CYTH3: variants seen among roughly 807,000 people sequenced by gnomAD.
The protein encoded by CYTH3 is cytohesin-3.
Under a neutral mutation model 55.1 loss-of-function variants are expected in CYTH3, and 23 were observed. The ratio of observed to expected loss-of-function variants is 0.42; its 90% CI spans 0.30 to 0.59. The LOEUF (loss-of-function observed/expected upper bound fraction) is 0.59, where lower values mean the gene tolerates loss of function less well. CYTH3 is among the 20% of genes least tolerant of loss of function. The pLI is 0.20. For missense variants in CYTH3, 413 were observed against 524.8 expected, an observed-to-expected ratio of 0.79 and a Z score of 2.08; for synonymous variants, 249 against 194.9, an observed-to-expected ratio of 1.28 and a Z score of -2.31.
At chr7:6,196,468 T>C (rs947062657) in intron 1 of CYTH3, among the ~76,000 whole-genome samples, 7 of 149,634 alleles carry the variant, frequency 4.7e-5, no homozygotes, top group Non-Finnish European at 1.0e-4. Context: ...TTTTTTTTTT[T>C]TTTTTTTTGA....
chr7:6,191,520 G>A (rs1235087007), intron 1 of CYTH3, among the ~76,000 whole-genome samples: 2 of 151,852 alleles, frequency 1.3e-5, no homozygotes, highest in African/African-American at 4.8e-5. Context: ...TAAATGTGAA[G>A]GGGAAACGCT....
intron 1 of CYTH3, among the ~76,000 whole-genome samples, chr7:6,271,911 C>CCG (rs1449788883): frequency 7.2e-5 from 11 of 152,170 alleles, no homozygotes; most frequent in African/African-American, 2.4e-4. Context: ...GGCCCCCTCC[C>CCG]CGTTCGAGCA....
chr7:6,251,400 T>C lies in CYTH3; in HGVS notation c.34+21074A>G, dbSNP rs1428968552. 3.3e-5 allele frequency among the ~76,000 whole-genome samples: 5 copies of C among 152,012 alleles called. No individual in the cohort carries two copies. The East Asian group carries it at 5.8e-4, about 18-fold the overall frequency. Reference sequence around the variant, plus strand: ...GGAGGGGAGACATGTAGGAAGTTTCTTGAAGGGCTACAAAAGCGTTTCTTT... The same window carrying C: ...GGAGGGGAGACATGTAGGAAGTTTCCTGAAGGGCTACAAAAGCGTTTCTTT... On this transcript the variant is annotated intron_variant, in intron 1 of 12. Transcript: ENST00000350796.
intron 1 of CYTH3, among the ~76,000 whole-genome samples, chr7:6,261,796 A>C (rs1051856640): frequency 1.1e-4 from 17 of 151,930 alleles, no homozygotes; most frequent in African/African-American, 3.9e-4. Flanking sequence ...AATTATCTCT[A>C]TAATTTTTCA....
chr7:6,225,560 T>C (rs1779226616), intron 1 of CYTH3, among the ~76,000 whole-genome samples: 1 of 152,122 alleles, frequency 6.6e-6, no homozygotes, highest in Non-Finnish European at 1.5e-5. Context: ...TTCTCCATGT[T>C]GGTCAGGCTG....
At chr7:6,229,041 C>A (rs1025619544) in intron 1 of CYTH3, among the ~76,000 whole-genome samples, 1 of 152,162 alleles carries the variant, frequency 6.6e-6, no homozygotes, top group Non-Finnish European at 1.5e-5. Flanking sequence ...ACCACACCCC[C>A]TCTGAGCAGA....
intron 1 of CYTH3, among the ~76,000 whole-genome samples, chr7:6,261,688 T>TC (rs1780357659): frequency 2.0e-5 from 1 of 51,034 alleles, no homozygotes; most frequent in African/African-American, 8.6e-5. Context: ...AGACCCTGTC[T>TC]CAAAAAAAAA....
rs1269852492 is a variant in CYTH3 at position 6,164,997 on chromosome 7, G to T, written c.1147C>A (p.Pro383Thr). The change falls in exon 13 of 13, where the codon CCC becomes ACC. Residue 383 changes from proline to threonine, a missense_variant. Around this residue, in one of 4 missense-constraint regions of CYTH3, gnomAD observed 98 missense variants for 115.2 expected, o/e 0.85. Coordinates refer to ENST00000350796, the MANE Select transcript of CYTH3 (RefSeq NM_004227.4). ...KSIKASISRDPFYDMLATRKR... is the reference protein window; with the variant it reads ...KSIKASISRDTFYDMLATRKR... ...CTCGTTGCCAACATGTCATAGAAGG[G>T]ATCTCTGCTGATACTGGCTCTGGTG... The T allele has an allele frequency of 6.2e-7, 1 of 1,614,188 alleles. No individual in the cohort carries two copies. The highest frequency in any genetic ancestry group is 1.7e-5 in the Admixed American group (1 of 60,018).
rs1780007156 is a variant in CYTH3 at position 6,252,743 on chromosome 7, T to C, written c.34+19731A>G. Among the ~76,000 whole-genome samples the C allele has an allele frequency of 2.0e-5, 3 of 152,310 alleles. No individual in the cohort carries two copies. In the South Asian group the frequency reaches 6.2e-4, roughly 32 times the overall value. Reference sequence around the variant, plus strand: ...AGATGCATTCCTGAGAGATTTAAGGTTTAGTCTTCATCCAAGGATCTGACA... The same window carrying C: ...AGATGCATTCCTGAGAGATTTAAGGCTTAGTCTTCATCCAAGGATCTGACA... On this transcript the variant is annotated intron_variant, in intron 1 of 12. Transcript: ENST00000350796.
Position 6,171,221 on chromosome 7 carries a change from G to C in CYTH3, c.543C>G (p.Pro181=). 6.2e-7 allele frequency: 1 copy of C among 1,614,150 alleles called. No homozygotes were observed. The highest frequency in any genetic ancestry group is 1.7e-5 in the Admixed American group (1 of 60,028). The change falls in exon 7 of 13, where the codon CCC becomes CCG. Residue 181 remains proline (P), a synonymous_variant. Coordinates refer to ENST00000350796, the MANE Select transcript of CYTH3 (RefSeq NM_004227.4). This position sits in a 1 kb window ranked among gnomAD's most constrained non-coding sequence, Gnocchi z 6.7. ...AFASRYCLCN[P]GVFQSTDTCY... ...ACTGACCTGTGGACTGGAAGACCCCGGGGTTGCACAGGCAGTAGCGAGAAG... is the reference window on the plus strand; with the variant it reads ...ACTGACCTGTGGACTGGAAGACCCCCGGGTTGCACAGGCAGTAGCGAGAAG...
At chr7:6,246,247 T>C (rs1257186235) in intron 1 of CYTH3, among the ~76,000 whole-genome samples, 1 of 151,746 alleles carries the variant, frequency 6.6e-6, no homozygotes, top group Admixed American at 6.6e-5. Flanking sequence ...TTTTTTTTTT[T>C]TAAAAGAGAC....
chr7:6,268,929 T>A (rs1356691469), intron 1 of CYTH3, among the ~76,000 whole-genome samples: 1 of 152,046 alleles, frequency 6.6e-6, no homozygotes, highest in African/African-American at 2.4e-5. Flanking sequence ...TTACCACTTC[T>A]CAAATAGAGG....
chr7:6,186,036 A>T (rs1783639207), intron 4 of CYTH3, among the ~76,000 whole-genome samples: 1 of 151,866 alleles, frequency 6.6e-6, no homozygotes, highest in African/African-American at 2.4e-5. Flanking sequence ...TGAGGTCAGG[A>T]GATCAAGACC....
At chr7:6,228,841 T>G (rs1416928174) in intron 1 of CYTH3, among the ~76,000 whole-genome samples, 1 of 152,230 alleles carries the variant, frequency 6.6e-6, no homozygotes, top group Non-Finnish European at 1.5e-5. Flanking sequence ...TCTTTTCCTT[T>G]ATTCCTCTGG....
intron 6 of CYTH3, among the ~76,000 whole-genome samples, 162 bp downstream of exon 6, chr7:6,173,491 A>G (rs1783255361): frequency 6.6e-6 from 1 of 152,210 alleles, no homozygotes. Context: ...AGGGCTGCTC[A>G]GTGTCACACA....
intron 1 of CYTH3, among the ~76,000 whole-genome samples, chr7:6,235,122 C>G (rs1290430320): frequency 1.3e-5 from 2 of 152,210 alleles, no homozygotes; most frequent in African/African-American, 4.8e-5. Context: ...ATGCCTGTCA[C>G]TTATCCTTTA....
intron 5 of CYTH3, among the ~76,000 whole-genome samples, 155 bp downstream of exon 5, chr7:6,177,668 G>C (rs972317173): frequency 1.3e-5 from 2 of 152,216 alleles, no homozygotes; most frequent in African/African-American, 4.8e-5. Context: ...GTTGCACTGG[G>C]CTCGCTTGGT....
At chr7:6,244,552 CCA>C in intron 1 of CYTH3, among the ~76,000 whole-genome samples, 1 of 152,312 alleles carries the variant, frequency 6.6e-6, no homozygotes, top group East Asian at 1.9e-4. Context: ...GCAGCCTCAA[CCA>C]CCTGGACTCA....
intron 1 of CYTH3, among the ~76,000 whole-genome samples, chr7:6,247,763 A>G (rs1779858689): frequency 6.6e-6 from 1 of 152,014 alleles, no homozygotes; most frequent in Non-Finnish European, 1.5e-5. Context: ...CTCCCACCTT[A>G]GCCTCTGAGT....
Sources: allele counts gnomAD v4.1 joint callset (sites outside exome capture counted in the v4.1 genomes callset), GRCh38; gene constraint gnomAD v4.1.1; regional missense constraint gnomAD v4.1.1; non-coding constraint Gnocchi (gnomAD v3.1); transcripts MANE v1.5; gene names NCBI Gene and HGNC (gene_info 2026-07-23, HGNC 2026-07-21).